The following ITGBL1 variants were observed in gnomAD, a reference collection of about 807,000 sequenced individuals.
ITGBL1 encodes the protein integrin beta-like protein 1.
Under a neutral mutation model 68.5 loss-of-function variants are expected in ITGBL1, and 51 were observed. That is an observed-to-expected ratio of 0.74 (90% CI 0.59 to 0.94). The LOEUF (loss-of-function observed/expected upper bound fraction) is 0.94, where lower values mean the gene tolerates loss of function less well. ITGBL1 is among the 40% of genes least tolerant of loss of function. The pLI is 0.00. For synonymous variants in ITGBL1, 209 were observed against 227.3 expected (o/e 0.92, Z 0.72); for missense variants, 649 against 647.4 (o/e 1.00, Z -0.03).
intron 2 of ITGBL1, among the ~76,000 whole-genome samples, chr13:101,485,340 T>G (rs964617989): frequency 1.3e-5 from 2 of 152,148 alleles, no homozygotes; most frequent in African/African-American, 4.8e-5. Context: ...TATTCACATG[T>G]CTTTTAAAGA....
intron 2 of ITGBL1, among the ~76,000 whole-genome samples, chr13:101,541,505 G>T (rs1229518804): frequency 6.6e-6 from 1 of 151,908 alleles, no homozygotes; most frequent in Admixed American, 6.6e-5. Flanking sequence ...GATATTAGTC[G>T]AAAATTCTCT....
At chr13:101,611,893 ACTAGACAGACTAAGAT>A (rs913894375) in intron 7 of ITGBL1, among the ~76,000 whole-genome samples, 4 of 152,146 alleles carry the variant, frequency 2.6e-5, no homozygotes, top group African/African-American at 9.7e-5. Context: ...TGCAAAGCTA[ACTAGACAGACTAAGAT>A]CTGACTAACT....
chr13:101,653,244 GACTA>G (rs76015806), intron 7 of ITGBL1, among the ~76,000 whole-genome samples: 35,865 of 151,660 alleles, frequency 0.24, 4,681 homozygotes, highest in Admixed American at 0.31. Flanking sequence ...TTGTGCCATT[GACTA>G]ACTGAGGCCA....
At chr13:101,454,407 C>G (rs1432158633) in intron 2 of ITGBL1, among the ~76,000 whole-genome samples, 2 of 131,558 alleles carry the variant, frequency 1.5e-5, no homozygotes, top group South Asian at 2.3e-4. Flanking sequence ...GGTCCCCCCC[C>G]CCCCCCCCAA....
At chr13:101,524,473 A>G (rs1329702445) in intron 2 of ITGBL1, among the ~76,000 whole-genome samples, 3 of 152,068 alleles carry the variant, frequency 2.0e-5, no homozygotes, top group Non-Finnish European at 2.9e-5. Context: ...TGTGAAAAAA[A>G]TGAATACACA....
chr13:101,661,434 C>G lies in ITGBL1; in HGVS notation c.1016-31151C>G, dbSNP rs76131258. 2.6e-3 allele frequency among the ~76,000 whole-genome samples: 390 copies of G among 152,274 alleles called. 2 individuals are homozygous for G. The highest frequency in any genetic ancestry group is 8.5e-3 in the African/African-American group (355 of 41,552). ...GGTAGTCTTGGGTCTATCTTTTCCA[C>G]CTTTATGGCCTGAAGTACCAATGTA... On this transcript the variant is annotated intron_variant, in intron 7 of 10. Transcript: ENST00000376180.
At chr13:101,664,603 T>C (rs2033168165) in intron 7 of ITGBL1, among the ~76,000 whole-genome samples, 4 of 152,208 alleles carry the variant, frequency 2.6e-5, no homozygotes, top group Admixed American at 2.0e-4. Context: ...AAAAATAAAC[T>C]TTTTTCACTG....
intron 7 of ITGBL1, among the ~76,000 whole-genome samples, chr13:101,614,378 A>G (rs1566758866): frequency 6.6e-6 from 1 of 152,172 alleles, no homozygotes; most frequent in East Asian, 1.9e-4. Context: ...CCACAACAGT[A>G]CTAATTGTTT....
chr13:101,573,122 C>T (rs1193928811), intron 3 of ITGBL1, among the ~76,000 whole-genome samples: 1 of 151,814 alleles, frequency 6.6e-6, no homozygotes, highest in East Asian at 1.9e-4. Flanking sequence ...AACAAGAAAG[C>T]TTAATGGCTG....
intron 2 of ITGBL1, among the ~76,000 whole-genome samples, chr13:101,559,382 G>A (rs2050063777): frequency 6.6e-6 from 1 of 152,302 alleles, no homozygotes; most frequent in South Asian, 2.1e-4. Context: ...ATACAGTGAA[G>A]TAGGTCAAGA....
intron 10 of ITGBL1, 169 bp downstream of exon 10, chr13:101,714,720 A>C: frequency 6.7e-6 from 4 of 598,266 alleles, no homozygotes; most frequent in Non-Finnish European, 1.2e-5. Flanking sequence ...CAAAAGCCTC[A>C]CATTATTCCT....
intron 2 of ITGBL1, among the ~76,000 whole-genome samples, chr13:101,506,450 G>A (rs974692405): frequency 6.6e-6 from 1 of 152,104 alleles, no homozygotes; most frequent in Non-Finnish European, 1.5e-5. Context: ...TGTTCATAGC[G>A]ACTCTGAAAG....
chr13:101,588,134 A>T (rs913225688), intron 6 of ITGBL1, among the ~76,000 whole-genome samples: 8 of 152,212 alleles, frequency 5.3e-5, no homozygotes, highest in Non-Finnish European at 1.0e-4. Context: ...ACCCTTTCCT[A>T]TAATGGCCTG....
At chr13:101,671,427 T>TTTTTG (rs2033359423) in intron 7 of ITGBL1, among the ~76,000 whole-genome samples, 4 of 73,446 alleles carry the variant, frequency 5.4e-5, no homozygotes, top group Non-Finnish European at 3.0e-5. Flanking sequence ...TATACCTTTG[T>TTTTTG]TTTTTTTTTG....
intron 2 of ITGBL1, among the ~76,000 whole-genome samples, chr13:101,454,952 C>T (rs1290372664): frequency 6.6e-6 from 1 of 152,136 alleles, no homozygotes; most frequent in Non-Finnish European, 1.5e-5. Context: ...GATTCAGGTT[C>T]TGATATTGGA....
chr13:101,677,586 C>T (rs994749240), intron 7 of ITGBL1, among the ~76,000 whole-genome samples: 4 of 152,152 alleles, frequency 2.6e-5, no homozygotes, highest in Non-Finnish European at 4.4e-5. Flanking sequence ...AGAGCACAAA[C>T]GACCAACCTT....
intron 7 of ITGBL1, among the ~76,000 whole-genome samples, chr13:101,691,404 T>G (rs2139553539): frequency 6.6e-6 from 1 of 152,330 alleles, no homozygotes; most frequent in Non-Finnish European, 1.5e-5. Flanking sequence ...TATATGATCC[T>G]AAATACTAAT....
chr13:101,487,641 C>T (rs187940134), intron 2 of ITGBL1, among the ~76,000 whole-genome samples: 3 of 152,276 alleles, frequency 2.0e-5, no homozygotes, highest in Admixed American at 6.5e-5. Flanking sequence ...AATACAGTTT[C>T]CTAAGCCCCT....
intron 7 of ITGBL1, among the ~76,000 whole-genome samples, chr13:101,622,449 A>G (rs1051432942): frequency 2.0e-5 from 3 of 152,132 alleles, no homozygotes; most frequent in Non-Finnish European, 1.5e-5. Context: ...CCTGAAAAAA[A>G]TGCAACCTCA....
Sources: allele counts gnomAD v4.1 joint callset (sites outside exome capture counted in the v4.1 genomes callset), GRCh38; gene constraint gnomAD v4.1.1; transcripts MANE v1.5; gene names NCBI Gene and HGNC (gene_info 2026-07-23, HGNC 2026-07-21).